KCNT2: variants seen among roughly 807,000 people sequenced by gnomAD.
The protein encoded by KCNT2 is potassium channel subfamily T member 2.
KCNT2 carries 67 observed loss-of-function variants against 153.8 expected under a neutral mutation model. The observed-to-expected ratio is 0.44, with a 90% CI of 0.36 to 0.53. KCNT2 has a LOEUF of 0.53. Ranked by LOEUF, KCNT2 falls within the 20% of genes least tolerant of loss-of-function variation. KCNT2 has a pLI of 0.00. For missense variants in KCNT2, 975 were observed against 1,354.8 expected (o/e 0.72, Z 4.40); for synonymous variants, 500 against 458.8 (o/e 1.09, Z -1.15).
At chr1:196,299,118 G>A (rs1300875806) in intron 22 of KCNT2, among the ~76,000 whole-genome samples, 2 of 151,934 alleles carry the variant, frequency 1.3e-5, no homozygotes, top group Non-Finnish European at 2.9e-5. Context: ...CAAAGCAAGA[G>A]AAAAGAAATA....
chr1:196,554,790 T>A (rs1015491751), intron 1 of KCNT2, among the ~76,000 whole-genome samples: 1 of 151,348 alleles, frequency 6.6e-6, no homozygotes, highest in Non-Finnish European at 1.5e-5. Context: ...TCATTTATCA[T>A]GACCAACTGG....
In KCNT2 at chr1:196,303,527, T is replaced by A. The variant is rs184180128; in HGVS notation, c.2595+1707A>T. ...TCAACTGACTCGTCAACAACTAGAA[T>A]GCACAGAATGAAATATTTATTAGTG... On this transcript the variant is annotated intron_variant, in intron 22 of 27. Transcript: ENST00000294725. Among the ~76,000 whole-genome samples, 9 of 152,240 alleles carry A rather than the reference T, an allele frequency of 5.9e-5. 1 individual carries two copies.
At chr1:196,419,482 C>A (rs993642586) in intron 12 of KCNT2, among the ~76,000 whole-genome samples, 20 of 151,472 alleles carry the variant, frequency 1.3e-4, no homozygotes, top group African/African-American at 4.9e-4. Flanking sequence ...TGGTTTCCAG[C>A]TGCATCCATG....
chr1:196,262,551 G>A (rs1657126374), intron 25 of KCNT2, among the ~76,000 whole-genome samples: 1 of 151,594 alleles, frequency 6.6e-6, no homozygotes, highest in Non-Finnish European at 1.5e-5. Context: ...AATACTTGAG[G>A]GATCATCTAA....
At chr1:196,233,055 G>T (rs1399663221) in intron 27 of KCNT2, among the ~76,000 whole-genome samples, 2 of 151,166 alleles carry the variant, frequency 1.3e-5, no homozygotes, top group African/African-American at 2.4e-5. Flanking sequence ...GTATAAATGT[G>T]GATGCCATGA....
At chr1:196,478,670 T>A (rs889939720) in intron 5 of KCNT2, among the ~76,000 whole-genome samples, 3 of 152,140 alleles carry the variant, frequency 2.0e-5, no homozygotes, top group Non-Finnish European at 2.9e-5. Flanking sequence ...ATTATTATTA[T>A]CTGTATGATG....
intron 16 of KCNT2, among the ~76,000 whole-genome samples, chr1:196,337,330 C>T (rs1452216569): frequency 6.6e-6 from 1 of 152,040 alleles, no homozygotes; most frequent in Non-Finnish European, 1.5e-5. Context: ...AGAATTTTCT[C>T]CTTCTTACCA....
At chr1:196,315,420 C>T (rs1662613272) in intron 21 of KCNT2, among the ~76,000 whole-genome samples, 1 of 151,502 alleles carries the variant, frequency 6.6e-6, no homozygotes, top group African/African-American at 2.4e-5. Context: ...TCAATGGGTA[C>T]ATTTAATTAA....
At chr1:196,300,260 C>T (rs1266179729) in intron 22 of KCNT2, among the ~76,000 whole-genome samples, 1 of 152,166 alleles carries the variant, frequency 6.6e-6, no homozygotes, top group East Asian at 1.9e-4. Flanking sequence ...CAATGAACTT[C>T]ACAATATTTT....
Position 196,391,976 on chromosome 1 carries a change from C to T in KCNT2, c.1294+6587G>A, listed in dbSNP as rs528868649. ...GGAAAATCTGAGGGACAATTGATAA[C>T]ATTTGCATATAAACTGGATCCATAA... On this transcript the variant is annotated intron_variant, in intron 13 of 27. Transcript: ENST00000294725. Among the ~76,000 whole-genome samples the T allele has an allele frequency of 1.7e-4, 25 of 151,356 alleles. No individual in the cohort carries two copies. The South Asian group carries it at 5.0e-3, about 30-fold the overall frequency.
rs1439189386 is a variant in KCNT2, at chr1:196,482,324, A to T, written c.324+7T>A. ...AGATATAGGGATAAAACAAAATTGTACATAACCTGTAAGCCCCACAAAGGT... is the reference window on the plus strand; with the variant it reads ...AGATATAGGGATAAAACAAAATTGTTCATAACCTGTAAGCCCCACAAAGGT... On this transcript the variant is annotated splice_region_variant and intron_variant, in intron 4 of 27. Transcript: ENST00000294725. 5.1e-6 allele frequency: 8 copies of T among 1,565,802 alleles called. No individual in the cohort carries two copies. Among genetic ancestry groups the T allele is most frequent in the Non-Finnish European group, 7.0e-6 (8 of 1,149,362 alleles).
chr1:196,489,803 A>G lies in KCNT2; in HGVS notation c.275+35T>C, dbSNP rs1320875078. 3 of 1,097,360 alleles carry G rather than the reference A, an allele frequency of 2.7e-6. No homozygotes were observed. In the South Asian group the frequency reaches 4.1e-5, roughly 15 times the overall value. 68.0% of individuals were successfully genotyped at this position (1,097,360 alleles called of 1,614,324 possible). On this transcript the variant is annotated intron_variant, in intron 3 of 27. Transcript: ENST00000294725. ...TGTGATACAACTCAAAATAATCAAA[A>G]TAATATTGTTGAAGGTCAGAAAAAG...
At chr1:196,280,338 T>G (rs1658977901) in intron 25 of KCNT2, among the ~76,000 whole-genome samples, 1 of 152,228 alleles carries the variant, frequency 6.6e-6, no homozygotes, top group Non-Finnish European at 1.5e-5. Flanking sequence ...TGAGGTTTAC[T>G]TTGGGAAGAT....
intron 12 of KCNT2, among the ~76,000 whole-genome samples, chr1:196,406,621 T>G (rs1671854454): frequency 6.6e-6 from 1 of 151,184 alleles, no homozygotes; most frequent in South Asian, 2.1e-4. Context: ...AAAAGAAGAC[T>G]TGGTCTAGCA....
At chr1:196,552,101 T>C (rs1287882680) in intron 1 of KCNT2, among the ~76,000 whole-genome samples, 1 of 151,424 alleles carries the variant, frequency 6.6e-6, no homozygotes, top group Non-Finnish European at 1.5e-5. Flanking sequence ...ATCACATAGT[T>C]ACCTACAAAA....
chr1:196,585,600 TA>T (rs60513367), intron 1 of KCNT2, among the ~76,000 whole-genome samples: 45,351 of 151,094 alleles, frequency 0.3, 6,995 homozygotes, highest in Admixed American at 0.4. Flanking sequence ...GCTAACTAAT[TA>T]AAAAAAAACA....
At chr1:196,498,726 T>A (rs1484655342) in intron 1 of KCNT2, among the ~76,000 whole-genome samples, 3 of 152,222 alleles carry the variant, frequency 2.0e-5, no homozygotes, top group Non-Finnish European at 4.4e-5. Context: ...TAATTCCGTG[T>A]TTGGTGATCT....
intron 19 of KCNT2, among the ~76,000 whole-genome samples, chr1:196,326,459 T>C (rs1289388644): frequency 1.3e-5 from 2 of 152,140 alleles, no homozygotes; most frequent in Non-Finnish European, 2.9e-5. Flanking sequence ...CCTGTGGTAT[T>C]ATGAGTAGAT....
intron 25 of KCNT2, among the ~76,000 whole-genome samples, chr1:196,261,939 G>A (rs1657066179): frequency 6.6e-6 from 1 of 151,648 alleles, no homozygotes; most frequent in African/African-American, 2.4e-5. Context: ...ATAAAGAAGT[G>A]AAAAATTGAT....
Sources: allele counts gnomAD v4.1 joint callset (sites outside exome capture counted in the v4.1 genomes callset), GRCh38; gene constraint gnomAD v4.1.1; transcripts MANE v1.5; gene names NCBI Gene and HGNC (gene_info 2026-07-23, HGNC 2026-07-21).